The following COL22A1 variants were observed in gnomAD, a reference collection of about 807,000 sequenced individuals.
The protein encoded by COL22A1 is collagen alpha-1(XXII) chain.
In COL22A1, 221 loss-of-function variants were observed where a neutral mutation model predicts 248.9. The observed-to-expected ratio is 0.89, with a 90% CI of 0.80 to 0.99. COL22A1 has a LOEUF of 0.99. COL22A1 is among the 50% of genes least tolerant of loss of function. The pLI, the probability that COL22A1 is intolerant of heterozygous loss-of-function variation, is 0.00. For missense variants in COL22A1, 2,240 were observed against 2,179.0 expected, an observed-to-expected ratio of 1.03 and a Z score of -0.56; for synonymous variants, 891 against 793.4, an observed-to-expected ratio of 1.12 and a Z score of -2.07.
intron 47 of COL22A1, 30 bp downstream of exon 47, chr8:138,646,599 C>T (rs1286072760): frequency 2.6e-6 from 4 of 1,531,260 alleles, no homozygotes; most frequent in Non-Finnish European, 3.6e-6. Context: ...CAGAATAGAT[C>T]CATGCAGATG....
intron 23 of COL22A1, among the ~76,000 whole-genome samples, chr8:138,728,482 T>C (rs1435890146): frequency 6.6e-6 from 1 of 152,050 alleles, no homozygotes; most frequent in African/African-American, 2.4e-5. Flanking sequence ...GCCGATGACC[T>C]CTGGAGTGTT....
At chr8:138,793,427 G>T (rs1275943643) in intron 12 of COL22A1, among the ~76,000 whole-genome samples, 1 of 152,138 alleles carries the variant, frequency 6.6e-6, no homozygotes, top group African/African-American at 2.4e-5. Flanking sequence ...TGCCTGAAGA[G>T]GACTTTATGC....
intron 46 of COL22A1, 39 bp downstream of exon 46, chr8:138,649,626 T>A (rs768498746): frequency 1.9e-6 from 3 of 1,587,846 alleles, no homozygotes; most frequent in Non-Finnish European, 2.6e-6. Flanking sequence ...GATATTTTCA[T>A]TGTAATGATA....
intron 41 of COL22A1, among the ~76,000 whole-genome samples, chr8:138,668,183 A>T (rs1824678047): frequency 6.6e-6 from 1 of 152,154 alleles, no homozygotes; most frequent in South Asian, 2.1e-4. Context: ...TCTGTTTTTT[A>T]AAATTCTTAT....
chr8:138,604,537 G>A (rs185313020), intron 59 of COL22A1, among the ~76,000 whole-genome samples, 197 bp downstream of exon 59: 2 of 152,318 alleles, frequency 1.3e-5, no homozygotes, highest in Admixed American at 1.3e-4. Context: ...CCCCTGCACT[G>A]GCTACATAAT....
chr8:138,772,963 G>GTGCT (rs1834510066), intron 16 of COL22A1, among the ~76,000 whole-genome samples: 1 of 152,224 alleles, frequency 6.6e-6, no homozygotes, highest in Non-Finnish European at 1.5e-5. Flanking sequence ...CTGAGTGCTG[G>GTGCT]GAGGCGTCTC....
intron 1 of COL22A1, among the ~76,000 whole-genome samples, chr8:138,885,854 C>A (rs141469361): frequency 2.0e-5 from 3 of 152,228 alleles, no homozygotes; most frequent in East Asian, 3.8e-4. Context: ...TGAGCCACTG[C>A]GCCCAGCCTC....
chr8:138,594,589 T>C (rs768326667), intron 62 of COL22A1, among the ~76,000 whole-genome samples: 6 of 152,082 alleles, frequency 3.9e-5, no homozygotes, highest in Non-Finnish European at 8.8e-5. Context: ...TTCTACGCAA[T>C]GGAGACAAAG....
Position 138,596,912 on chromosome 8 carries a change from T to C in COL22A1, c.4424A>G (p.Gln1475Arg). Residue 1475 changes from glutamine (Q) to arginine (R), a missense_variant, in exon 62 of 65, where the codon CAG becomes CGG. Coordinates refer to ENST00000303045, the MANE Select transcript of COL22A1 (RefSeq NM_152888.3). ...ACAGTCCAGATACTCACTTTCAAGC[T>C]GCTTCCCCAGCTCTTCTTGAATAAG... ...RRLIQEELGK[Q>R]LETRLAYLLA... The C allele has an allele frequency of 6.2e-7, 1 of 1,614,026 alleles. No homozygotes were observed. The highest frequency in any genetic ancestry group is 8.5e-7 in the Non-Finnish European group (1 of 1,179,932).
intron 41 of COL22A1, among the ~76,000 whole-genome samples, chr8:138,672,972 C>T (rs1825166559): frequency 6.6e-6 from 1 of 152,180 alleles, no homozygotes; most frequent in African/African-American, 2.4e-5. Context: ...GCTAAGGGAA[C>T]ATCAGAGGCA....
intron 22 of COL22A1, among the ~76,000 whole-genome samples, 190 bp from the exon 23 acceptor site, chr8:138,737,767 C>T (rs1281519573): frequency 3.9e-5 from 6 of 152,026 alleles, no homozygotes; most frequent in Admixed American, 2.6e-4. Flanking sequence ...TTTCTGAGGT[C>T]AGCAGTAAGG....
At chr8:138,726,549 T>A (rs1204454042) in intron 23 of COL22A1, among the ~76,000 whole-genome samples, 1 of 149,598 alleles carries the variant, frequency 6.7e-6, no homozygotes, top group Non-Finnish European at 1.5e-5. Context: ...ACTAAACCTA[T>A]GAGCACAGAT....
At chr8:138,801,136 C>T (rs1007990951) in intron 11 of COL22A1, among the ~76,000 whole-genome samples, 1 of 152,142 alleles carries the variant, frequency 6.6e-6, no homozygotes. Context: ...CCTACCTACA[C>T]AAAGGAGGTA....
intron 54 of COL22A1, among the ~76,000 whole-genome samples, chr8:138,616,556 G>A (rs1819337206): frequency 6.6e-6 from 1 of 152,190 alleles, no homozygotes; most frequent in Non-Finnish European, 1.5e-5. Flanking sequence ...CTAGGACCTT[G>A]GGAAATCACC....
rs575127475 is a variant in COL22A1 at position 138,609,974 on chromosome 8, C to T, written c.3979-1985G>A. Among the ~76,000 whole-genome samples, 52 of 152,336 alleles carry T rather than the reference C, an allele frequency of 3.4e-4. 1 individual carries two copies. The South Asian group carries it at 0.011, about 32-fold the overall frequency. On this transcript the variant is annotated intron_variant, in intron 56 of 64. Transcript: ENST00000303045. Reference sequence around the variant, plus strand: ...AGTTCCCCTTTTCAACCCTTTTGAGCTCCAAACTCCTATTCTAAGACCCCT... The same window carrying T: ...AGTTCCCCTTTTCAACCCTTTTGAGTTCCAAACTCCTATTCTAAGACCCCT...
chr8:138,840,743 G>A (rs1450655267), intron 4 of COL22A1, among the ~76,000 whole-genome samples: 1 of 152,026 alleles, frequency 6.6e-6, no homozygotes, highest in African/African-American at 2.4e-5. Context: ...TTTTGGTAGA[G>A]ATGGGGCACG....
At chr8:138,885,111 C>G (rs566924871) in intron 1 of COL22A1, among the ~76,000 whole-genome samples, 5 of 152,284 alleles carry the variant, frequency 3.3e-5, no homozygotes, top group African/African-American at 1.2e-4. Flanking sequence ...TGCGGGAGCC[C>G]TGCCTACCCA....
intron 4 of COL22A1, among the ~76,000 whole-genome samples, chr8:138,841,551 G>C (rs898122098): frequency 6.6e-6 from 1 of 152,078 alleles, no homozygotes; most frequent in Non-Finnish European, 1.5e-5. Flanking sequence ...GCATCTTTGG[G>C]GGCTAGCAAG....
chr8:138,671,452 G>A (rs151110900), intron 41 of COL22A1, among the ~76,000 whole-genome samples: 9 of 152,300 alleles, frequency 5.9e-5, no homozygotes, highest in East Asian at 1.9e-4. Context: ...CTCCTGTTGC[G>A]ATTGTGGTGA....
Sources: allele counts gnomAD v4.1 joint callset (sites outside exome capture counted in the v4.1 genomes callset), GRCh38; gene constraint gnomAD v4.1.1; transcripts MANE v1.5; gene names NCBI Gene and HGNC (gene_info 2026-07-23, HGNC 2026-07-21).